RBPMS: variants seen among roughly 807,000 people sequenced by gnomAD.
The protein encoded by RBPMS is RNA-binding protein with multiple splicing.
RBPMS carries 7 observed loss-of-function variants against 26.8 expected under a neutral mutation model. The ratio of observed to expected loss-of-function variants is 0.26; its 90% CI spans 0.15 to 0.49. The LOEUF is 0.49. Among genes scored for constraint, RBPMS ranks in the 20% least tolerant of loss-of-function variants. The pLI, the probability that RBPMS is intolerant of heterozygous loss-of-function variation, is 0.98. For missense variants in RBPMS, 186 were observed against 250.0 expected, an observed-to-expected ratio of 0.74 and a Z score of 1.73; for synonymous variants, 96 against 93.3, an observed-to-expected ratio of 1.03 and a Z score of -0.17.
Position 30,456,789 on chromosome 8 carries a change from C to T in RBPMS, c.67-17990C>T, listed in dbSNP as rs187335842. Among the ~76,000 whole-genome samples, 13 of 152,220 alleles carry T rather than the reference C, an allele frequency of 8.5e-5. No homozygotes were observed. The East Asian group carries it at 2.5e-3, about 29-fold the overall frequency. On this transcript the variant is annotated intron_variant, in intron 1 of 8. Transcript: ENST00000397323. ...TACAAAAATTAGCTGGGCATGGTGG[C>T]GTGCGCCTGTAGTCCCAGCTACTTG...
rs537898571 is a variant in RBPMS at position 30,568,677 on chromosome 8, C to G, written c.*112-1960C>G. ...ACCTGCTCCTAATCAGAGCCTTATG[C>G]GTTCCCAACCCTGACCCCGCCATCC... is the stretch of plus-strand genomic sequence containing the variant. On this transcript the variant is annotated intron_variant, in intron 8 of 8. Transcript: ENST00000397323. 1.3e-3 allele frequency among the ~76,000 whole-genome samples: 203 copies of G among 152,302 alleles called. 3 individuals are homozygous for G. The highest frequency in any genetic ancestry group is 0.012 in the South Asian group (59 of 4,824).
intron 5 of RBPMS, among the ~76,000 whole-genome samples, chr8:30,509,822 A>AT (rs143617146): frequency 0.012 from 1,856 of 152,188 alleles, 44 homozygotes; most frequent in African/African-American, 0.041. Flanking sequence ...TTTCTATTTC[A>AT]TTTTTTTCTC....
chr8:30,452,460 G>A lies in RBPMS; in HGVS notation c.67-22319G>A, dbSNP rs117117072. 5.1e-3 allele frequency among the ~76,000 whole-genome samples: 783 copies of A among 152,306 alleles called. 6 individuals are homozygous for A. The highest frequency in any genetic ancestry group is 8.0e-3 in the Non-Finnish European group (541 of 68,028). ...ACCAGGTGGCAGTTAGATACTCATT[G>A]CTGGCATTTTATCCAGACACCAGAA... On this transcript the variant is annotated intron_variant, in intron 1 of 8. Coordinates refer to ENST00000397323, the MANE Select transcript of RBPMS (RefSeq NM_001008710.3).
At chr8:30,518,687 C>CTTTTTTTTTTTT (rs58763494) in intron 5 of RBPMS, among the ~76,000 whole-genome samples, 1,131 of 18,236 alleles carry the variant, frequency 0.062, 465 homozygotes, top group Non-Finnish European at 0.074. Context: ...CCAAGCATGA[C>CTTTTTTTTTTTT]TTTTTTTTTT....
chr8:30,549,376 A>C, intron 6 of RBPMS: 7 of 784,462 alleles, frequency 8.9e-6, no homozygotes, highest in Non-Finnish European at 1.3e-5. Context: ...TATCCGGAAA[A>C]CGACAGCTTT....
intron 5 of RBPMS, among the ~76,000 whole-genome samples, chr8:30,508,513 G>A (rs956034399): frequency 2.6e-5 from 4 of 152,132 alleles, no homozygotes; most frequent in South Asian, 2.1e-4. Flanking sequence ...GTTAGTGTGC[G>A]TGTGTAAAAA....
rs1823407732 is a variant in RBPMS, at chr8:30,524,786, G to T, written c.398-19708G>T. Among the ~76,000 whole-genome samples the T allele has an allele frequency of 1.3e-5, 2 of 152,052 alleles. 1 individual carries two copies. The highest frequency in any genetic ancestry group is 4.1e-4 in the South Asian group (2 of 4,826). On this transcript the variant is annotated intron_variant, in intron 5 of 8. Transcript: ENST00000397323. Reference sequence around the variant, plus strand: ...CTACTAATTCATTCCCTAACCTTTTGTATTTTTCAAAATAAGCATTTGATC... The same window carrying T: ...CTACTAATTCATTCCCTAACCTTTTTTATTTTTCAAAATAAGCATTTGATC...
chr8:30,563,697 G>T (rs953268153), intron 7 of RBPMS, among the ~76,000 whole-genome samples: 1 of 152,154 alleles, frequency 6.6e-6, no homozygotes, highest in Admixed American at 6.5e-5. Flanking sequence ...CCTGTCTTTG[G>T]CTGTGAGCTT....
intron 1 of RBPMS, among the ~76,000 whole-genome samples, chr8:30,434,409 A>G (rs1812234329): frequency 6.6e-6 from 1 of 152,132 alleles, no homozygotes; most frequent in African/African-American, 2.4e-5. Context: ...AATAAGAACA[A>G]AAAAGAACAG....
At chr8:30,419,082 A>C (rs533185903) in intron 1 of RBPMS, among the ~76,000 whole-genome samples, 3 of 151,586 alleles carry the variant, frequency 2.0e-5, no homozygotes, top group East Asian at 3.9e-4. Flanking sequence ...AAAAAAAAAA[A>C]CAGAACTAAT....
At chr8:30,477,355 A>G (rs1047721314) in intron 2 of RBPMS, among the ~76,000 whole-genome samples, 2 of 152,140 alleles carry the variant, frequency 1.3e-5, no homozygotes, top group African/African-American at 4.8e-5. Context: ...AGCCCCAACT[A>G]TATTCTTAAT....
chr8:30,519,941 A>G, intron 5 of RBPMS, among the ~76,000 whole-genome samples: 1 of 152,094 alleles, frequency 6.6e-6, no homozygotes, highest in Non-Finnish European at 1.5e-5. Flanking sequence ...TAAAAGCTTG[A>G]TGAGATTTGC....
intron 5 of RBPMS, among the ~76,000 whole-genome samples, chr8:30,507,037 G>A (rs1416689127): frequency 1.3e-5 from 2 of 152,312 alleles, no homozygotes; most frequent in East Asian, 3.9e-4. Context: ...CTGCAGCTTA[G>A]TTGAGATTGA....
intron 1 of RBPMS, among the ~76,000 whole-genome samples, chr8:30,391,476 TA>T (rs1807785266): frequency 6.6e-6 from 1 of 151,944 alleles, no homozygotes; most frequent in Non-Finnish European, 1.5e-5. Flanking sequence ...GAAAAAAACT[TA>T]GGAAGGAATG....
At chr8:30,549,836 TTTTC>T (rs1274572127) in intron 6 of RBPMS, among the ~76,000 whole-genome samples, 1 of 144,306 alleles carries the variant, frequency 6.9e-6, no homozygotes, top group Non-Finnish European at 1.5e-5. Context: ...CTTTTCTTTC[TTTTC>T]TTTCTTTTCT....
At chr8:30,567,277 A>T (rs1827959926) in intron 8 of RBPMS, among the ~76,000 whole-genome samples, 1 of 152,022 alleles carries the variant, frequency 6.6e-6, no homozygotes, top group African/African-American at 2.4e-5. Context: ...CTCCGACGAT[A>T]CCTCTCAGTG....
Position 30,559,750 on chromosome 8 carries a change from G to A in RBPMS, c.*7+794G>A, listed in dbSNP as rs531985479. 1.7e-3 allele frequency among the ~76,000 whole-genome samples: 254 copies of A among 152,286 alleles called. 1 individual carries two copies. Among genetic ancestry groups the A allele is most frequent in the Middle Eastern group, 3.4e-3 (1 of 294 alleles). On this transcript the variant is annotated intron_variant, in intron 7 of 8. Transcript: ENST00000397323. ...TTTACACAGTTCCTTCATGAAATAG[G>A]AAGAAAAATGAGAAGAGGGAGGGGC... is the stretch of plus-strand genomic sequence containing the variant.
chr8:30,484,644 T>C (rs1348724785), intron 4 of RBPMS, among the ~76,000 whole-genome samples: 3 of 152,208 alleles, frequency 2.0e-5, no homozygotes, highest in Admixed American at 6.5e-5. Context: ...TTCTTGACTA[T>C]TGAAAAATTT....
In RBPMS at chr8:30,558,914, A is replaced by G. The variant is rs10088145; in HGVS notation, c.556A>G (p.Thr186Ala). 5.0e-3 allele frequency: 8,046 copies of G among 1,614,086 alleles called. 382 individuals carry two copies. The African/African-American group carries it at 0.096, about 19-fold the overall frequency. ...QMRWLPPSEA[T>A]SQGWKSRQFC ...GCGCTGGCTCCCTCCCTCCGAGGCT[A>G]CTTCTCAGGGCTGGAAGTCCCGTCA... The change falls in exon 7 of 9, where the codon ACT (threonine) becomes GCT (alanine). Residue 186 changes from threonine to alanine, a missense_variant. Thr to Ala is a moderately conservative substitution (Grantham distance 58). This residue lies in a region of RBPMS where 98 missense variants were observed against 113.6 expected (regional missense o/e 0.86). Coordinates refer to ENST00000397323, the MANE Select transcript of RBPMS (RefSeq NM_001008710.3).
Sources: gnomAD v4.1 joint callset for allele counts (sites outside exome capture counted in the v4.1 genomes callset) on GRCh38, gnomAD v4.1.1 for gene constraint, gnomAD v4.1.1 regional missense constraint, MANE v1.5 for transcripts, NCBI Gene and HGNC (gene_info 2026-07-23, HGNC 2026-07-21) for gene names.